Variants in PLAG1 observed in about 807,000 individuals in gnomAD.
PLAG1 encodes zinc finger protein PLAG1.
PLAG1 carries 7 observed loss-of-function variants against 35.5 expected under a neutral mutation model. The ratio of observed to expected loss-of-function variants is 0.20; its 90% confidence interval spans 0.11 to 0.37. The LOEUF (loss-of-function observed/expected upper bound fraction) is 0.37, where lower values mean the gene tolerates loss of function less well. Ranked by LOEUF, PLAG1 falls within the 10% of genes least tolerant of loss-of-function variation. The pLI, the probability that PLAG1 is intolerant of heterozygous loss-of-function variation, is 1.00. For synonymous variants in PLAG1, 229 were observed against 225.4 expected (o/e 1.02, Z -0.14); for missense variants, 454 against 602.8 (o/e 0.75, Z 2.58).
chr8:56,166,941 C>A lies in PLAG1; in HGVS notation c.805G>T (p.Val269Leu). ...AGTTCACTGGAAGGTAAGGACATCA[C>A]CGGAAGGAGCTCGTCTTTTATAGGC... ...SVPIKDELLP[V>L]MSLPSSELLS... The change falls in exon 5 of 5, where the codon GTG (valine) becomes TTG (leucine). Residue 269 changes from valine to leucine, a missense_variant. Physicochemically the swap from Val to Leu is conservative, Grantham distance 32 (BLOSUM62 1). This residue lies in a region of PLAG1 where 271 missense variants were observed against 315.6 expected (regional missense o/e 0.86). Coordinates refer to ENST00000316981, the MANE Select transcript of PLAG1 (RefSeq NM_002655.3). 1 of 1,614,078 alleles carries A rather than the reference C, an allele frequency of 6.2e-7. No homozygotes were observed. Among genetic ancestry groups the A allele is most frequent in the Non-Finnish European group, 8.5e-7 (1 of 1,179,976 alleles).
At chr8:56,176,046 C>CTTTTTTT (rs1309523141) in intron 2 of PLAG1, among the ~76,000 whole-genome samples, 10 of 130,084 alleles carry the variant, frequency 7.7e-5, no homozygotes, top group African/African-American at 1.2e-4. Flanking sequence ...TTTTCCTTTT[C>CTTTTTTT]TTTTTTTTTT....
In PLAG1 at chr8:56,161,057, T is replaced by C. The variant is rs1248291277; in HGVS notation, c.*5186A>G. ...TATTTTAAATCTGGTATATGGACAA[T>C]AAATAGTCTGCTTCTTTGGATGTGA... On this transcript the variant is annotated 3_prime_UTR_variant, in exon 5 of 5. Transcript: ENST00000316981. 5.4e-6 allele frequency: 1 copy of C among 183,944 alleles called. No individual in the cohort carries two copies. The highest frequency in any genetic ancestry group is 2.3e-5 in the African/African-American group (1 of 42,604). 11.4% of individuals were successfully genotyped at this position (183,944 alleles called of 1,614,324 possible).
At chr8:56,189,434 G>A (rs1314509944) in intron 1 of PLAG1, among the ~76,000 whole-genome samples, 4 of 152,092 alleles carry the variant, frequency 2.6e-5, no homozygotes, top group Non-Finnish European at 2.9e-5. Context: ...CCCCCTATCT[G>A]CACAGAGCTC....
intron 2 of PLAG1, among the ~76,000 whole-genome samples, chr8:56,177,277 TATGCTC>T (rs1221335658): frequency 6.6e-6 from 1 of 152,228 alleles, no homozygotes; most frequent in Non-Finnish European, 1.5e-5. Context: ...CTCCCTAAGT[TATGCTC>T]ATGTGCATGT....
At chr8:56,174,917 T>C (rs971151250) in intron 2 of PLAG1, among the ~76,000 whole-genome samples, 2 of 152,200 alleles carry the variant, frequency 1.3e-5, no homozygotes. Flanking sequence ...AGGATGTGCA[T>C]AGGTTACATG....
intron 1 of PLAG1, among the ~76,000 whole-genome samples, chr8:56,190,682 T>A (rs891334958): frequency 6.6e-6 from 1 of 151,990 alleles, no homozygotes; most frequent in African/African-American, 2.4e-5. Context: ...TTGTCATGTT[T>A]ATAATGCTGA....
intron 2 of PLAG1, among the ~76,000 whole-genome samples, chr8:56,173,364 A>G (rs192158777): frequency 2.0e-5 from 3 of 152,118 alleles, no homozygotes; most frequent in African/African-American, 7.2e-5. Flanking sequence ...GTTCTACTAA[A>G]TATCTCCCCC....
chr8:56,177,983 C>T (rs541169383), intron 2 of PLAG1: 13 of 967,958 alleles, frequency 1.3e-5, no homozygotes, highest in Middle Eastern at 5.3e-4. Flanking sequence ...CCGCCAAGCA[C>T]GGATACAAAC....
intron 1 of PLAG1, among the ~76,000 whole-genome samples, chr8:56,210,094 T>C (rs554327192): frequency 1.1e-4 from 17 of 152,088 alleles, no homozygotes; most frequent in African/African-American, 3.4e-4. Flanking sequence ...GCATCGGATT[T>C]TCACGTTTTC....
intron 2 of PLAG1, among the ~76,000 whole-genome samples, chr8:56,177,176 G>C (rs760264361): frequency 3.9e-5 from 6 of 152,168 alleles, no homozygotes; most frequent in Non-Finnish European, 5.9e-5. Context: ...CATAAATGTT[G>C]TGTATGTGCT....
At chr8:56,205,153 A>T (rs1308089890) in intron 1 of PLAG1, among the ~76,000 whole-genome samples, 1 of 151,910 alleles carries the variant, frequency 6.6e-6, no homozygotes, top group East Asian at 1.9e-4. Flanking sequence ...AAAAAAGTCC[A>T]TGAAGCAAAC....
At position 56,163,179 on chromosome 8, in the gene PLAG1, A is replaced by G. The variant is rs569813781; in HGVS notation, c.*3064T>C. The G allele has an allele frequency of 5.1e-6, 1 of 194,774 alleles. No homozygotes were observed. Among genetic ancestry groups the G allele is most frequent in the Admixed American group, 6.2e-5 (1 of 16,034 alleles). The allele number at this position is 194,774 out of a possible 1,614,324, so 12.1% of individuals were successfully genotyped here. ...GTTCAATATCTTGTCTGAGGCCCAA[A>G]TTCTAAACTACTTTTATTTAATGTT... On this transcript the variant is annotated 3_prime_UTR_variant, in exon 5 of 5. Coordinates refer to ENST00000316981, the MANE Select transcript of PLAG1 (RefSeq NM_002655.3).
intron 1 of PLAG1, among the ~76,000 whole-genome samples, chr8:56,202,497 G>A (rs1259772505): frequency 6.6e-6 from 1 of 152,168 alleles, no homozygotes; most frequent in Non-Finnish European, 1.5e-5. Flanking sequence ...TTAGACATGC[G>A]GGTATTTTGG....
chr8:56,174,366 A>G (rs1249245058), intron 2 of PLAG1, among the ~76,000 whole-genome samples: 2 of 152,232 alleles, frequency 1.3e-5, no homozygotes, highest in East Asian at 1.9e-4. Flanking sequence ...GCAACAGTAT[A>G]CTTAGAACAT....
chr8:56,203,887 T>C (rs1053669569), intron 1 of PLAG1, among the ~76,000 whole-genome samples: 2 of 151,954 alleles, frequency 1.3e-5, no homozygotes, highest in Non-Finnish European at 2.9e-5. Context: ...TAGCAAAACA[T>C]ATGAAGAACA....
Position 56,193,476 on chromosome 8 carries a change from G to C in PLAG1, c.-321-13963C>G, listed in dbSNP as rs147255539. On this transcript the variant is annotated intron_variant, in intron 1 of 4. Transcript: ENST00000316981. Reference sequence around the variant, plus strand: ...AAAAAAGCTGGTTGACAATGACAAAGTCAGAAATTATTTATACAGTTTATG... The same window carrying C: ...AAAAAAGCTGGTTGACAATGACAAACTCAGAAATTATTTATACAGTTTATG... 2.8e-3 allele frequency among the ~76,000 whole-genome samples: 421 copies of C among 152,268 alleles called. 2 individuals carry two copies. The highest frequency in any genetic ancestry group is 9.6e-3 in the African/African-American group (400 of 41,544).
At chr8:56,207,231 A>G (rs939626086) in intron 1 of PLAG1, among the ~76,000 whole-genome samples, 1 of 152,014 alleles carries the variant, frequency 6.6e-6, no homozygotes, top group Non-Finnish European at 1.5e-5. Context: ...AAAGATAGCT[A>G]TAGATATATG....
chr8:56,189,938 C>A (rs1812135402), intron 1 of PLAG1, among the ~76,000 whole-genome samples: 1 of 152,138 alleles, frequency 6.6e-6, no homozygotes, highest in Admixed American at 6.5e-5. Context: ...CTGGAGTCGA[C>A]TGAAGGCTGA....
chr8:56,205,163 C>T (rs1399650111), intron 1 of PLAG1, among the ~76,000 whole-genome samples: 1 of 151,774 alleles, frequency 6.6e-6, no homozygotes. Flanking sequence ...ATGAAGCAAA[C>T]TATTCTTAGA....
Sources: gnomAD v4.1 joint callset for allele counts (sites outside exome capture counted in the v4.1 genomes callset) on GRCh38, gnomAD v4.1.1 for gene constraint, gnomAD v4.1.1 regional missense constraint, MANE v1.5 for transcripts, NCBI Gene and HGNC (gene_info 2026-07-23, HGNC 2026-07-21) for gene names.